PLEKHA7: variants seen among roughly 807,000 people sequenced by gnomAD.
The protein encoded by PLEKHA7 is pleckstrin homology domain-containing family A member 7.
Under a neutral mutation model 170.0 loss-of-function variants are expected in PLEKHA7, and 104 were observed. That is an observed-to-expected ratio of 0.61 (90% CI 0.52 to 0.72). PLEKHA7 has a LOEUF of 0.72. Among genes scored for constraint, PLEKHA7 ranks in the 30% least tolerant of loss-of-function variants. PLEKHA7 has a pLI of 0.00. For synonymous variants in PLEKHA7, 648 were observed against 660.8 expected, an observed-to-expected ratio of 0.98 and a Z score of 0.30; for missense variants, 1,615 against 1,671.7, an observed-to-expected ratio of 0.97 and a Z score of 0.59.
intron 7 of PLEKHA7, 119 bp from the exon 8 acceptor site, chr11:16,851,410 A>C (rs381163): frequency 0.9 from 494,509 of 551,592 alleles, 222,523 homozygotes; most frequent in East Asian, 0.94. Flanking sequence ...CCATCCTCCC[A>C]CAACCCACAC....
At chr11:16,952,776 G>C (rs1861485790) in intron 3 of PLEKHA7, among the ~76,000 whole-genome samples, 1 of 152,170 alleles carries the variant, frequency 6.6e-6, no homozygotes, top group South Asian at 2.1e-4. Context: ...CACCATGTCA[G>C]TGTTCACAAA....
chr11:16,807,279 G>A, intron 13 of PLEKHA7: 3 of 802,450 alleles, frequency 3.7e-6, no homozygotes, highest in Non-Finnish European at 4.5e-6. Context: ...GACATCAAAT[G>A]ACACTTGAAG....
At chr11:16,889,423 ATATATAT>A (rs1565076506) in intron 3 of PLEKHA7, among the ~76,000 whole-genome samples, 21 of 104,570 alleles carry the variant, frequency 2.0e-4, no homozygotes, top group African/African-American at 8.6e-4. Flanking sequence ...AAAAAAAAAT[ATATATAT>A]ATATATATAT....
chr11:16,872,054 C>T (rs559621394), intron 3 of PLEKHA7, among the ~76,000 whole-genome samples: 85 of 151,386 alleles, frequency 5.6e-4, no homozygotes, highest in Non-Finnish European at 1.0e-3. Context: ...CAGCAACTTC[C>T]GCCTCCTGGG....
At chr11:16,948,665 CACACA>C (rs760382111) in intron 3 of PLEKHA7, among the ~76,000 whole-genome samples, 3 of 151,920 alleles carry the variant, frequency 2.0e-5, no homozygotes, top group Admixed American at 6.6e-5. Context: ...CACACACACA[CACACA>C]CACAGACACC....
chr11:16,914,751 C>T (rs1858510918), intron 3 of PLEKHA7, among the ~76,000 whole-genome samples: 1 of 152,202 alleles, frequency 6.6e-6, no homozygotes, highest in South Asian at 2.1e-4. Context: ...TTCACATGCT[C>T]TGCAACATGG....
intron 3 of PLEKHA7, among the ~76,000 whole-genome samples, chr11:16,896,976 G>A (rs568799522): frequency 1.3e-5 from 2 of 152,244 alleles, no homozygotes; most frequent in Non-Finnish European, 2.9e-5. Flanking sequence ...TGCTTACCCT[G>A]CTTCTCTGTT....
At chr11:16,800,937 A>T in intron 17 of PLEKHA7, 37 bp downstream of exon 17, 2 of 1,564,956 alleles carry the variant, frequency 1.3e-6, no homozygotes, top group Non-Finnish European at 1.8e-6. Context: ...AAAACAAAAA[A>T]CAAGAGCTCA....
At chr11:16,997,724 A>G (rs10832714) in intron 3 of PLEKHA7, among the ~76,000 whole-genome samples, 151,859 of 152,250 alleles carry the variant, frequency 1, 75,737 homozygotes, top group East Asian at 1. Flanking sequence ...GGGAGAGGTG[A>G]CAATTCCTAC....
chr11:16,835,755 A>G (rs1466924569), intron 9 of PLEKHA7, among the ~76,000 whole-genome samples: 2 of 152,240 alleles, frequency 1.3e-5, no homozygotes, highest in South Asian at 4.1e-4. Flanking sequence ...ACCCAGGTCT[A>G]TCCGATTTCA....
chr11:16,834,079 C>T (rs1196662122), intron 9 of PLEKHA7, among the ~76,000 whole-genome samples: 2 of 152,080 alleles, frequency 1.3e-5, no homozygotes, highest in African/African-American at 2.4e-5. Context: ...GGCGCGGTTT[C>T]GACTCACTAC....
At chr11:16,934,164 C>T (rs1179942159) in intron 3 of PLEKHA7, among the ~76,000 whole-genome samples, 1 of 152,192 alleles carries the variant, frequency 6.6e-6, no homozygotes, top group African/African-American at 2.4e-5. Context: ...TTCAACACTC[C>T]CTTTTTTGGT....
chr11:16,786,483 C>T (rs1459844354), intron 23 of PLEKHA7, 96 bp from the exon 24 acceptor site: 10 of 1,508,626 alleles, frequency 6.6e-6, no homozygotes, highest in Non-Finnish European at 2.6e-6. Flanking sequence ...GGAAGATGAA[C>T]CTGTGATCCC....
chr11:17,003,448 A>C (rs1864798972), intron 3 of PLEKHA7, among the ~76,000 whole-genome samples: 1 of 152,240 alleles, frequency 6.6e-6, no homozygotes, highest in African/African-American at 2.4e-5. Context: ...CCTGCCCCAT[A>C]GCTGTGTGGA....
chr11:16,928,462 A>ATTTTTTGT (rs1859716495), intron 3 of PLEKHA7, among the ~76,000 whole-genome samples: 1 of 92,228 alleles, frequency 1.1e-5, no homozygotes, highest in Non-Finnish European at 2.4e-5. Flanking sequence ...TTTTTTTTGT[A>ATTTTTTGT]TTTTTATTTT....
At chr11:16,872,581 G>T (rs1454794602) in intron 3 of PLEKHA7, among the ~76,000 whole-genome samples, 1 of 151,978 alleles carries the variant, frequency 6.6e-6, no homozygotes, top group African/African-American at 2.4e-5. Flanking sequence ...ATGCAGTGGG[G>T]TGATCATGGC....
chr11:16,947,269 T>G (rs1860024), intron 3 of PLEKHA7, among the ~76,000 whole-genome samples: 136,409 of 152,230 alleles, frequency 0.9, 61,178 homozygotes, highest in African/African-American at 0.94. Flanking sequence ...CAGCCATTAT[T>G]GAAAATGGTA....
intron 13 of PLEKHA7, among the ~76,000 whole-genome samples, chr11:16,805,820 C>CA (rs1170155216): frequency 1.6e-4 from 23 of 144,288 alleles, no homozygotes; most frequent in African/African-American, 6.1e-4. Context: ...AAAACAAAAA[C>CA]AAAAAAAACT....
intron 3 of PLEKHA7, among the ~76,000 whole-genome samples, chr11:17,010,044 A>T (rs1865232762): frequency 6.6e-6 from 1 of 152,186 alleles, no homozygotes; most frequent in Non-Finnish European, 1.5e-5. Flanking sequence ...AAAGTGCAGA[A>T]ATCAAAACAA....
Sources: gnomAD v4.1 joint callset for allele counts (sites outside exome capture counted in the v4.1 genomes callset) on GRCh38, gnomAD v4.1.1 for gene constraint, MANE v1.5 for transcripts, NCBI Gene and HGNC (gene_info 2026-07-23, HGNC 2026-07-21) for gene names.